The following EDARADD variants were observed in gnomAD, a reference collection of about 807,000 sequenced individuals.
EDARADD encodes ectodysplasin-A receptor-associated adapter protein.
EDARADD carries 20 observed loss-of-function variants against 25.6 expected under a neutral mutation model. That is an observed-to-expected ratio of 0.78 (90% CI 0.55 to 1.14). The LOEUF is 1.14. Ranked by LOEUF, EDARADD falls within the 50% of genes most tolerant of loss-of-function variation. The pLI, the probability that EDARADD is intolerant of heterozygous loss-of-function variation, is 0.00. For missense variants in EDARADD, 225 were observed against 270.1 expected, an observed-to-expected ratio of 0.83 and a Z score of 1.17; for synonymous variants, 86 against 94.4, an observed-to-expected ratio of 0.91 and a Z score of 0.52.
intron 1 of EDARADD, among the ~76,000 whole-genome samples, chr1:236,348,504 C>A (rs1310506157): frequency 6.6e-6 from 1 of 152,238 alleles, no homozygotes; most frequent in African/African-American, 2.4e-5. Flanking sequence ...CCCACATCCC[C>A]GGTTACAGCC....
chr1:236,400,055 A>C (rs369158253), intron 1 of EDARADD, among the ~76,000 whole-genome samples: 1 of 152,198 alleles, frequency 6.6e-6, no homozygotes, highest in African/African-American at 2.4e-5. Flanking sequence ...GGACCAGCCA[A>C]TTCTTTCTGC....
intron 5 of EDARADD, among the ~76,000 whole-genome samples, chr1:236,473,647 C>T (rs536218460): frequency 3.3e-5 from 5 of 152,166 alleles, no homozygotes; most frequent in Admixed American, 1.3e-4. Context: ...TAGCTGGGCC[C>T]GGTGGCGTGC....
At position 236,381,800 on chromosome 1, in the gene EDARADD, G is replaced by GTTTTT. The variant is rs1558105353; in HGVS notation, c.-5-27416_-5-27415insTTTTT. ...TCTTTTTTTTTTTCTTCCTGTGGTTGCTTTTTTTTTTTTTTTTTTTTTTTT... is the reference window on the plus strand; with the variant it reads ...TCTTTTTTTTTTTCTTCCTGTGGTTGTTTTTCTTTTTTTTTTTTTTTTTTTTTTTT... On this transcript the variant is annotated intron_variant, in intron 3 of 7. Coordinates refer to the EDARADD transcript ENST00000439430. Among the ~76,000 whole-genome samples, 106 of 16,844 alleles carry GTTTTT rather than the reference G, an allele frequency of 6.3e-3. 1 individual carries two copies. Among genetic ancestry groups the GTTTTT allele is most frequent in the Non-Finnish European group, 9.2e-3 (71 of 7,688 alleles). The allele number at this position is 16,844 out of a possible 152,430, so 11.1% of individuals were successfully genotyped here.
chr1:236,404,137 C>CCCGT (rs921915111), intron 1 of EDARADD, among the ~76,000 whole-genome samples: 2 of 152,208 alleles, frequency 1.3e-5, no homozygotes, highest in Admixed American at 1.3e-4. Context: ...TGCTCCTCTG[C>CCCGT]CCGTCCTATT....
At chr1:236,481,446 C>A (rs1659667680) in intron 5 of EDARADD, among the ~76,000 whole-genome samples, 1 of 151,852 alleles carries the variant, frequency 6.6e-6, no homozygotes, top group East Asian at 1.9e-4. Context: ...CTCCTTCTAG[C>A]AAAGCAATTC....
At position 236,454,546 on chromosome 1, in the gene EDARADD, C is replaced by T. The variant is rs112188449; in HGVS notation, c.220-13685C>T. ...CCAGAACTAGAGCAGGGGGATGACTCGGCTTTGCTAGTCTTGACAATTTAG... is the reference window on the plus strand; with the variant it reads ...CCAGAACTAGAGCAGGGGGATGACTTGGCTTTGCTAGTCTTGACAATTTAG... On this transcript the variant is annotated intron_variant, in intron 4 of 5. Coordinates refer to ENST00000334232, the MANE Select transcript of EDARADD (RefSeq NM_145861.4). Among the ~76,000 whole-genome samples, 541 of 152,344 alleles carry T rather than the reference C, an allele frequency of 3.6e-3. 3 individuals carry two copies. Among genetic ancestry groups the T allele is most frequent in the South Asian group, 0.015 (73 of 4,828 alleles).
chr1:236,364,536 T>C (rs1262396231), intron 3 of EDARADD, among the ~76,000 whole-genome samples: 2 of 152,230 alleles, frequency 1.3e-5, no homozygotes, highest in Non-Finnish European at 1.5e-5. Context: ...GAACAAGGTA[T>C]ACTTCACCAT....
chr1:236,394,296 G>A lies in EDARADD; in HGVS notation c.-149G>A. ...TTCCTATCCGAAGGCAGACCAAGAGGAAGTTTATCCTCCCACCTACAAATT... is the reference window on the plus strand; with the variant it reads ...TTCCTATCCGAAGGCAGACCAAGAGAAAGTTTATCCTCCCACCTACAAATT... On this transcript the variant is annotated 5_prime_UTR_variant, in exon 1 of 6. Transcript: ENST00000334232. 1.2e-6 allele frequency: 1 copy of A among 815,460 alleles called. No homozygotes were observed. Among genetic ancestry groups the A allele is most frequent in the Non-Finnish European group, 2.0e-6 (1 of 489,970 alleles). The allele number at this position is 815,460 out of a possible 1,614,324, so 50.5% of individuals were successfully genotyped here.
Position 236,455,858 on chromosome 1 carries a change from T to G in EDARADD, c.220-12373T>G, listed in dbSNP as rs1280542045. Among the ~76,000 whole-genome samples, 35 of 151,678 alleles carry G rather than the reference T, an allele frequency of 2.3e-4. 1 individual carries two copies. The highest frequency in any genetic ancestry group is 8.5e-4 in the African/African-American group (35 of 41,254). ...AGGCTGGAGAGCAGTTGCGCGATCT[T>G]TGCTCACTGCAACCTCTGCCTCCCG... On this transcript the variant is annotated intron_variant, in intron 4 of 5. Transcript: ENST00000334232.
chr1:236,363,584 T>C (rs1283821277), intron 3 of EDARADD, among the ~76,000 whole-genome samples: 2 of 151,674 alleles, frequency 1.3e-5, no homozygotes, highest in Admixed American at 1.3e-4. Flanking sequence ...TATTTATTTA[T>C]TTTTACTTAA....
At chr1:236,429,006 C>T (rs553175741) in intron 4 of EDARADD, among the ~76,000 whole-genome samples, 19 of 152,118 alleles carry the variant, frequency 1.2e-4, no homozygotes, top group Middle Eastern at 3.2e-3. Context: ...CGTTGCGACG[C>T]GCGCCTGCAA....
chr1:236,461,182 A>C (rs571516361), intron 4 of EDARADD, among the ~76,000 whole-genome samples: 1 of 152,290 alleles, frequency 6.6e-6, no homozygotes, highest in Non-Finnish European at 1.5e-5. Context: ...TCACACACTT[A>C]GGCATTTAAA....
At chr1:236,363,006 A>AAAATATATATATAT (rs1377112051) in intron 3 of EDARADD, among the ~76,000 whole-genome samples, 4 of 42,944 alleles carry the variant, frequency 9.3e-5, no homozygotes, top group African/African-American at 4.4e-4. Context: ...AAAAAAAAAA[A>AAAATATATATATAT]ATATATATAT....
chr1:236,466,352 A>G (rs1431791787), intron 4 of EDARADD, among the ~76,000 whole-genome samples: 1 of 152,038 alleles, frequency 6.6e-6, no homozygotes, highest in Non-Finnish European at 1.5e-5. Context: ...AGAGATTTCT[A>G]TCCGTTCAGA....
At chr1:236,353,454 G>A (rs1305881690) in intron 3 of EDARADD, among the ~76,000 whole-genome samples, 1 of 152,090 alleles carries the variant, frequency 6.6e-6, no homozygotes, top group East Asian at 1.9e-4. Context: ...GGCCAGGGCA[G>A]GTGGATGACG....
chr1:236,423,069 C>A (rs866826624), intron 3 of EDARADD, among the ~76,000 whole-genome samples: 2 of 152,150 alleles, frequency 1.3e-5, no homozygotes, highest in African/African-American at 4.8e-5. Context: ...GGTCCAGAGA[C>A]TTCAGGAGGA....
intron 5 of EDARADD, among the ~76,000 whole-genome samples, chr1:236,479,936 C>T (rs1194482937): frequency 6.6e-6 from 1 of 150,854 alleles, no homozygotes; most frequent in Non-Finnish European, 1.5e-5. Context: ...GTCCCAGCTG[C>T]TTGGGAGGCT....
chr1:236,429,737 GT>G (rs972614328), intron 4 of EDARADD, among the ~76,000 whole-genome samples: 32 of 152,256 alleles, frequency 2.1e-4, no homozygotes, highest in African/African-American at 7.0e-4. Flanking sequence ...CACACAGAAA[GT>G]TAAGAATTGC....
intron 1 of EDARADD, among the ~76,000 whole-genome samples, chr1:236,399,403 C>T (rs1198416470): frequency 6.6e-6 from 1 of 152,018 alleles, no homozygotes; most frequent in Non-Finnish European, 1.5e-5. Flanking sequence ...GCCAGGCTGG[C>T]CTGGAACCAC....
Sources: allele counts gnomAD v4.1 joint callset (sites outside exome capture counted in the v4.1 genomes callset), GRCh38; gene constraint gnomAD v4.1.1; transcripts MANE v1.5; gene names NCBI Gene and HGNC (gene_info 2026-07-23, HGNC 2026-07-21).